The following NPAS3 variants were observed in gnomAD, a reference collection of about 807,000 sequenced individuals.
The protein encoded by NPAS3 is neuronal PAS domain protein 3, also known as neuronal PAS domain-containing protein 3.
Under a neutral mutation model 73.1 loss-of-function variants are expected in NPAS3, and 14 were observed. The ratio of observed to expected loss-of-function variants is 0.19; its 90% CI spans 0.13 to 0.30. The LOEUF is 0.30. NPAS3 is among the 10% of genes least tolerant of loss of function. The pLI, the probability that NPAS3 is intolerant of heterozygous loss-of-function variation, is 1.00. For missense variants in NPAS3, 1,096 were observed against 1,250.0 expected (o/e 0.88, Z 1.86); for synonymous variants, 620 against 541.5 (o/e 1.14, Z -2.01).
chr14:33,470,181 C>G (rs1015495751), intron 4 of NPAS3, among the ~76,000 whole-genome samples: 36 of 152,284 alleles, frequency 2.4e-4, no homozygotes, highest in African/African-American at 8.4e-4. Context: ...CCTCAGAAGT[C>G]ATATAATGTC....
intron 1 of NPAS3, among the ~76,000 whole-genome samples, chr14:33,015,035 T>C (rs2039342901): frequency 1.3e-5 from 2 of 152,306 alleles, no homozygotes; most frequent in South Asian, 4.2e-4. Context: ...TGTATGTAGA[T>C]CAGAAATGGC....
chr14:33,073,439 A>T (rs1014321482), intron 2 of NPAS3, among the ~76,000 whole-genome samples: 3 of 152,150 alleles, frequency 2.0e-5, no homozygotes, highest in Non-Finnish European at 4.4e-5. Context: ...CAGGGCAAGG[A>T]GATAGAGGGT....
At chr14:32,949,868 G>C (rs1348035738) in intron 1 of NPAS3, among the ~76,000 whole-genome samples, 1 of 151,682 alleles carries the variant, frequency 6.6e-6, no homozygotes, top group Non-Finnish European at 1.5e-5. Flanking sequence ...AATTAGTTAT[G>C]CTACATGTAT....
intron 9 of NPAS3, among the ~76,000 whole-genome samples, chr14:33,786,021 T>C (rs1325569680): frequency 6.6e-6 from 1 of 152,214 alleles, no homozygotes; most frequent in Non-Finnish European, 1.5e-5. Flanking sequence ...GAGAAGCCTC[T>C]TGTGTCTCAT....
intron 3 of NPAS3, among the ~76,000 whole-genome samples, chr14:33,286,933 G>T (rs905426231): frequency 2.0e-5 from 3 of 152,152 alleles, no homozygotes; most frequent in Non-Finnish European, 4.4e-5. Context: ...CTAAGTGGGA[G>T]TTGGGCTACT....
At chr14:33,539,693 A>G (rs1050328006) in intron 4 of NPAS3, among the ~76,000 whole-genome samples, 1 of 152,088 alleles carries the variant, frequency 6.6e-6, no homozygotes, top group Non-Finnish European at 1.5e-5. Flanking sequence ...ATCCATGCAC[A>G]CTTTTCTTTC....
intron 3 of NPAS3, among the ~76,000 whole-genome samples, chr14:33,226,868 C>T (rs568535326): frequency 1.6e-4 from 24 of 152,242 alleles, no homozygotes; most frequent in Middle Eastern, 3.4e-3. Flanking sequence ...TGTTGAATAT[C>T]AGCACTGATG....
intron 5 of NPAS3, among the ~76,000 whole-genome samples, chr14:33,667,270 A>G (rs11156806): frequency 0.5 from 76,018 of 152,064 alleles, 19,939 homozygotes; most frequent in Non-Finnish European, 0.59. Flanking sequence ...GCATAGCTCT[A>G]GAGACTATTC....
At chr14:33,158,207 C>T (rs1259510841) in intron 2 of NPAS3, among the ~76,000 whole-genome samples, 1 of 152,142 alleles carries the variant, frequency 6.6e-6, no homozygotes, top group Non-Finnish European at 1.5e-5. Context: ...TTTGTTAACT[C>T]CTTACACTGG....
chr14:33,691,389 G>A (rs555528856), intron 6 of NPAS3, among the ~76,000 whole-genome samples: 5 of 152,228 alleles, frequency 3.3e-5, no homozygotes, highest in African/African-American at 7.2e-5. Context: ...TCACAATGCC[G>A]TAAATACATT....
intron 3 of NPAS3, among the ~76,000 whole-genome samples, chr14:33,240,360 CTTAT>C (rs1198619337): frequency 2.6e-5 from 4 of 151,516 alleles, no homozygotes; most frequent in Non-Finnish European, 4.4e-5. Flanking sequence ...GGTCCCTACT[CTTAT>C]TTTTCTTTTT....
intron 4 of NPAS3, among the ~76,000 whole-genome samples, chr14:33,369,059 G>A (rs1331450561): frequency 6.6e-6 from 1 of 152,104 alleles, no homozygotes; most frequent in Non-Finnish European, 1.5e-5. Flanking sequence ...ACAAACTTAG[G>A]AGTTTGAATC....
At chr14:33,038,499 CTATT>C (rs1341940923) in intron 1 of NPAS3, among the ~76,000 whole-genome samples, 1 of 151,154 alleles carries the variant, frequency 6.6e-6, no homozygotes, top group African/African-American at 2.4e-5. Context: ...AAGTATCTGT[CTATT>C]TATACATCTA....
intron 2 of NPAS3, among the ~76,000 whole-genome samples, chr14:33,121,447 G>A (rs2043227911): frequency 1.3e-5 from 2 of 152,088 alleles, no homozygotes; most frequent in African/African-American, 4.8e-5. Context: ...CCACTAGACT[G>A]ATTGCTCCTT....
intron 4 of NPAS3, among the ~76,000 whole-genome samples, chr14:33,370,274 A>G (rs913633792): frequency 7.2e-5 from 11 of 152,200 alleles, no homozygotes; most frequent in Non-Finnish European, 1.5e-4. Flanking sequence ...AAGGCTCTGA[A>G]TTTGCCATAA....
At chr14:33,692,539 G>A (rs1267711879) in intron 6 of NPAS3, among the ~76,000 whole-genome samples, 2 of 152,104 alleles carry the variant, frequency 1.3e-5, no homozygotes, top group Non-Finnish European at 2.9e-5. Context: ...GGATTTTACT[G>A]ATGGTAGATT....
At chr14:33,711,994 G>A (rs115172626) in intron 6 of NPAS3, among the ~76,000 whole-genome samples, 63 of 152,210 alleles carry the variant, frequency 4.1e-4, no homozygotes, top group African/African-American at 1.4e-3. Context: ...GACCCACTTC[G>A]AGCCCTTCCT....
intron 4 of NPAS3, among the ~76,000 whole-genome samples, chr14:33,516,500 T>C (rs939921298): frequency 4.1e-4 from 62 of 152,246 alleles, no homozygotes; most frequent in African/African-American, 1.4e-3. Flanking sequence ...AAAATATAAC[T>C]AAGTGTAGAG....
intron 4 of NPAS3, among the ~76,000 whole-genome samples, chr14:33,509,489 G>T (rs1026280415): frequency 6.6e-6 from 1 of 152,030 alleles, no homozygotes; most frequent in Non-Finnish European, 1.5e-5. Flanking sequence ...ACTGTCCTCT[G>T]CACCCTTCTC....
Sources: allele counts gnomAD v4.1 joint callset (sites outside exome capture counted in the v4.1 genomes callset), GRCh38; gene constraint gnomAD v4.1.1; transcripts MANE v1.5; gene names NCBI Gene and HGNC (gene_info 2026-07-23, HGNC 2026-07-21).